SOX13: variants seen among roughly 807,000 people sequenced by gnomAD.
The protein encoded by SOX13 is SRY-box transcription factor 13.
Under a neutral mutation model 71.8 loss-of-function variants are expected in SOX13, and 28 were observed. The ratio of observed to expected loss-of-function variants is 0.39; its 90% CI spans 0.29 to 0.53. SOX13 has a LOEUF of 0.53. Ranked by LOEUF, SOX13 falls within the 20% of genes least tolerant of loss-of-function variation. The probability of loss-of-function intolerance (pLI) is 0.70; values close to 1 mark genes in which losing one functional copy is unlikely to be tolerated. For synonymous variants in SOX13, 309 were observed against 317.8 expected (o/e 0.97, Z 0.29); for missense variants, 627 against 810.3 (o/e 0.77, Z 2.75).
At position 204,112,997 on chromosome 1, in the gene SOX13, G is replaced by A; in HGVS notation, c.82G>A (p.Glu28Lys). Reference sequence around the variant, plus strand: ...GGTGAACTGCACCATCAAGTCAGAGGAGAAGAAAGAGCCTTGCCACGAGGC... The same window carrying A: ...GGTGAACTGCACCATCAAGTCAGAGAAGAAGAAAGAGCCTTGCCACGAGGC... ...TMVNCTIKSE[E>K]KKEPCHEAPQ... Residue 28 changes from glutamate (E) to lysine (K), a missense_variant, in exon 2 of 14, where the codon GAG (glutamate) becomes AAG (lysine). By Grantham distance (56) the Glu-to-Lys change is moderately conservative. Transcript: ENST00000367204. The A allele has an allele frequency of 1.2e-6, 2 of 1,613,500 alleles. No homozygotes were observed. Among genetic ancestry groups the A allele is most frequent in the South Asian group, 1.1e-5 (1 of 91,060 alleles).
chr1:204,092,804 G>A (rs1270055524), intron 1 of SOX13, among the ~76,000 whole-genome samples: 1 of 152,138 alleles, frequency 6.6e-6, no homozygotes, highest in African/African-American at 2.4e-5. Flanking sequence ...CCGGTGTGTG[G>A]TGGGGACAGG....
At chr1:204,102,778 G>C (rs1445191486) in intron 1 of SOX13, among the ~76,000 whole-genome samples, 2 of 151,894 alleles carry the variant, frequency 1.3e-5, no homozygotes, top group African/African-American at 2.4e-5. Flanking sequence ...TATCTCTATG[G>C]GGTAGGTGTT....
At chr1:204,091,750 G>A (rs1163218848) in intron 1 of SOX13, among the ~76,000 whole-genome samples, 4 of 151,922 alleles carry the variant, frequency 2.6e-5, no homozygotes, top group Non-Finnish European at 5.9e-5. Flanking sequence ...GTGTGTGTGT[G>A]TGTGTGTTTG....
At chr1:204,091,733 C>T (rs1005785477) in intron 1 of SOX13, among the ~76,000 whole-genome samples, 13 of 150,272 alleles carry the variant, frequency 8.7e-5, no homozygotes, top group Admixed American at 2.6e-4. Flanking sequence ...TGTGCGTGTG[C>T]GTGTGTGTGT....
intron 1 of SOX13, among the ~76,000 whole-genome samples, chr1:204,095,779 T>C (rs1656239777): frequency 6.6e-6 from 1 of 152,190 alleles, no homozygotes; most frequent in African/African-American, 2.4e-5. Context: ...ATGGAACTTT[T>C]TCATCTTCCC....
intron 1 of SOX13, among the ~76,000 whole-genome samples, chr1:204,082,241 G>GGT (rs35526887): frequency 0.11 from 16,956 of 150,566 alleles, 1,085 homozygotes; most frequent in African/African-American, 0.17. Flanking sequence ...GGCCAGGTGT[G>GGT]GTGTGTGTGT....
intron 7 of SOX13, among the ~76,000 whole-genome samples, chr1:204,120,217 T>A (rs1656773512): frequency 6.6e-6 from 1 of 152,108 alleles, no homozygotes; most frequent in Non-Finnish European, 1.5e-5. Flanking sequence ...TCCAGTTAGC[T>A]GGGGGAATGG....
rs185366223 is a variant in SOX13, at chr1:204,114,372, G to A, written c.271G>A (p.Val91Met). The A allele has an allele frequency of 3.7e-6, 6 of 1,612,234 alleles. No homozygotes were observed. The Admixed American group carries it at 1.0e-4, about 27-fold the overall frequency. ...GTCCCCAGAACCCAAGAGACCAGGA[G>A]TGTCGGAGGCTGCCTCTGGAAGCCA... Reference protein sequence around the residue: ...NGSPEPKRPGVSEAASGSQEK... With the variant: ...NGSPEPKRPGMSEAASGSQEK... Residue 91 changes from valine to methionine, a missense_variant, in exon 3 of 14, where the codon GTG (valine) becomes ATG (methionine). Val to Met is a conservative substitution (Grantham distance 21). Around this residue, in one of 3 missense-constraint regions of SOX13, gnomAD observed 447 missense variants for 532.2 expected, o/e 0.84. Coordinates refer to ENST00000367204, the MANE Select transcript of SOX13 (RefSeq NM_005686.3).
At position 204,126,128 on chromosome 1, in the gene SOX13, AG is replaced by A; in HGVS notation, c.1864del (p.Asp622ThrfsTer28). 1 of 1,613,208 alleles carries A rather than the reference AG, an allele frequency of 6.2e-7. No homozygotes were observed. ...GCGATGGGGAGTTGGTGGTGCTCAC[AG>A]ACTGATCCCGGCTGGGTGGGCCTGG... ...KSDGELVVLT[D>X] On this transcript the variant is annotated frameshift_variant, in exon 14 of 14. Coordinates refer to ENST00000367204, the MANE Select transcript of SOX13 (RefSeq NM_005686.3). LOFTEE classifies it high-confidence loss of function.
intron 1 of SOX13, among the ~76,000 whole-genome samples, chr1:204,093,128 G>A (rs984296788): frequency 3.9e-5 from 6 of 152,162 alleles, no homozygotes; most frequent in Non-Finnish European, 5.9e-5. Context: ...GGGACGTGGG[G>A]GAGGTGGACT....
At chr1:204,106,245 G>A (rs1260825578) in intron 1 of SOX13, among the ~76,000 whole-genome samples, 2 of 152,192 alleles carry the variant, frequency 1.3e-5, no homozygotes, top group African/African-American at 4.8e-5. Context: ...CTCATAGGAA[G>A]AGCTTAGACC....
Position 204,073,907 on chromosome 1 carries a change from C to A in SOX13, c.-2+196C>A, listed in dbSNP as rs1316773407. The A allele has an allele frequency of 6.5e-6, 1 of 152,912 alleles. No individual in the cohort carries two copies. The highest frequency in any genetic ancestry group is 2.4e-5 in the African/African-American group (1 of 41,452). 9.5% of individuals were successfully genotyped at this position (152,912 alleles called of 1,614,324 possible). A position where few individuals can be genotyped will look rare whatever the true frequency, so the allele number is the denominator to read the frequency against. ...CAACGCTGGGCAGTGGCGGCTCCTC[C>A]CTGGCCGACTTGGGTCCTTGTGGAG... On this transcript the variant is annotated intron_variant, in intron 1 of 13. Coordinates refer to ENST00000367204, the MANE Select transcript of SOX13 (RefSeq NM_005686.3). This position sits in a 1 kb window ranked among gnomAD's most constrained non-coding sequence, Gnocchi z 6.8.
chr1:204,123,060 G>A lies in SOX13; in HGVS notation c.1135-52G>A, dbSNP rs867447156. ...GGCCACCAAGAGAGGAGCATGGGGA[G>A]GAGTGGGGTGATGCAGAGGAGGCTG... On this transcript the variant is annotated intron_variant, in intron 10 of 13. Transcript: ENST00000367204. This position sits in a 1 kb window ranked among gnomAD's most constrained non-coding sequence, Gnocchi z 5.0. The A allele has an allele frequency of 1.9e-5, 29 of 1,532,122 alleles. 1 individual carries two copies. In the Middle Eastern group the frequency reaches 3.2e-3, roughly 171 times the overall value. The allele number at this position is 1,532,122 out of a possible 1,614,324, so 94.9% of individuals were successfully genotyped here. A position where few individuals can be genotyped will look rare whatever the true frequency, so the allele number is the denominator to read the frequency against.
chr1:204,107,661 G>C (rs1467968602), intron 1 of SOX13, among the ~76,000 whole-genome samples: 1 of 152,114 alleles, frequency 6.6e-6, no homozygotes, highest in Non-Finnish European at 1.5e-5. Flanking sequence ...TGGGGAGGGG[G>C]AGAGGGAGGT....
intron 4 of SOX13, among the ~76,000 whole-genome samples, chr1:204,115,014 ATT>A (rs879275694): frequency 2.1e-5 from 3 of 142,138 alleles, no homozygotes; most frequent in Non-Finnish European, 3.1e-5. Flanking sequence ...CCTTAGAGTG[ATT>A]TTTTTTTTTT....
chr1:204,123,866 T>C lies in SOX13; in HGVS notation c.1375+62T>C, dbSNP rs1656863352. The stretch of plus-strand genomic sequence containing the variant: ...CCTGGTTGCAGGAGCCAGCTGGGTC[T>C]ATTCAGGGCTTGCTTGGTGATATTC... On this transcript the variant is annotated intron_variant, in intron 12 of 13. Transcript: ENST00000367204. The surrounding 1 kb of genome is among the most constrained non-coding windows in gnomAD (Gnocchi z 5.0). 1 of 1,573,910 alleles carries C rather than the reference T, an allele frequency of 6.4e-7. No individual in the cohort carries two copies. The highest frequency in any genetic ancestry group is 8.7e-7 in the Non-Finnish European group (1 of 1,146,686).
intron 1 of SOX13, among the ~76,000 whole-genome samples, chr1:204,112,252 C>T (rs1030706158): frequency 2.0e-5 from 3 of 152,084 alleles, no homozygotes; most frequent in Non-Finnish European, 1.5e-5. Context: ...ACCAGCTTGG[C>T]CAACATGGCA....
intron 1 of SOX13, among the ~76,000 whole-genome samples, chr1:204,089,609 CCT>C (rs891336707): frequency 3.3e-5 from 5 of 152,220 alleles, no homozygotes; most frequent in African/African-American, 1.2e-4. Context: ...AAAACAACCC[CCT>C]CTCTGCAAAA....
chr1:204,076,130 C>T (rs543574195), intron 1 of SOX13, among the ~76,000 whole-genome samples: 15 of 152,230 alleles, frequency 9.9e-5, no homozygotes, highest in African/African-American at 3.6e-4. Flanking sequence ...GCATTTCATT[C>T]CCTCCTTTCC....
Sources: gnomAD v4.1 joint callset for allele counts (sites outside exome capture counted in the v4.1 genomes callset) on GRCh38, gnomAD v4.1.1 for gene constraint, gnomAD v4.1.1 regional missense constraint, Gnocchi (gnomAD v3.1) non-coding constraint, MANE v1.5 for transcripts, NCBI Gene and HGNC (gene_info 2026-07-23, HGNC 2026-07-21) for gene names.